DMKN: variants seen among roughly 807,000 people sequenced by gnomAD.
DMKN encodes epidermis-specific secreted protein SK30/SK89.
In DMKN, 58 loss-of-function variants were observed where a neutral mutation model predicts 67.6. The ratio of observed to expected loss-of-function variants is 0.86; its 90% CI spans 0.69 to 1.07. The LOEUF (loss-of-function observed/expected upper bound fraction) is 1.07. Among genes scored for constraint, DMKN ranks in the 50% least tolerant of loss-of-function variants. The pLI is 0.00. For missense variants in DMKN, 596 were observed against 601.5 expected (o/e 0.99, Z 0.10); for synonymous variants, 240 against 232.3 (o/e 1.03, Z -0.30).
At chr19:35,511,266 C>G (rs1311784157) in intron 5 of DMKN, 145 bp downstream of exon 5, 1 of 1,445,942 alleles carries the variant, frequency 6.9e-7, no homozygotes, top group Admixed American at 1.9e-5. Flanking sequence ...GAACAGGAGG[C>G]TGAGGGAGCC....
At chr19:35,501,880 G>C (rs1293123889) in intron 11 of DMKN, 9 of 1,582,828 alleles carry the variant, frequency 5.7e-6, no homozygotes, top group Non-Finnish European at 7.7e-6. Flanking sequence ...GCAGAGCAGA[G>C]GCAGTGGCCG....
At chr19:35,505,917 A>G (rs760489565) in intron 8 of DMKN, 22 bp downstream of exon 8, 2 of 1,614,232 alleles carry the variant, frequency 1.2e-6, no homozygotes, top group Non-Finnish European at 1.7e-6. Context: ...GCGAGTGAAC[A>G]GAGCCATCTC....
In DMKN at chr19:35,511,481, C is replaced by T; in HGVS notation, c.848G>A (p.Gly283Asp). The T allele has an allele frequency of 9.2e-7, 1 of 1,092,572 alleles. No individual in the cohort carries two copies. Among genetic ancestry groups the T allele is most frequent in the Non-Finnish European group, 1.2e-6 (1 of 846,596 alleles). 67.7% of individuals were successfully genotyped at this position (1,092,572 alleles called of 1,614,324 possible). Residue 283 changes from glycine (G) to aspartate (D), a missense_variant, in exon 5 of 16, where the codon GGC (glycine) becomes GAC (aspartate). Coordinates refer to ENST00000339686, the MANE Select transcript of DMKN (RefSeq NM_033317.5). ...GCCACTGCTGCCACCACTGCTGCCG[C>T]CACTGCTGCCGCCACTGCTGCTGCC... ...SSGSSSGGSS[G>D]GSSGGSSGNS...
intron 7 of DMKN, chr19:35,508,174 G>A: frequency 6.4e-7 from 1 of 1,551,904 alleles, no homozygotes; most frequent in South Asian, 1.2e-5. Context: ...TACCGGCACA[G>A]TCTCTGACCC....
At chr19:35,501,956 T>C in intron 11 of DMKN, 180 bp downstream of exon 11, 1 of 1,551,806 alleles carries the variant, frequency 6.4e-7, no homozygotes. Flanking sequence ...AGGGAGGTCC[T>C]CCCACCCTGC....
intron 7 of DMKN, among the ~76,000 whole-genome samples, chr19:35,509,049 T>C (rs57300378): frequency 1.3e-4 from 20 of 150,850 alleles, no homozygotes; most frequent in African/African-American, 4.4e-4. Flanking sequence ...AAACCCCATC[T>C]CTACTAAAAA....
chr19:35,506,174 C>T (rs779452708), intron 7 of DMKN, 188 bp from the exon 8 acceptor site: 29 of 1,528,008 alleles, frequency 1.9e-5, no homozygotes, highest in Non-Finnish European at 2.4e-5. Flanking sequence ...TGCCCCAGCT[C>T]GACCCTTGCC....
chr19:35,512,963 C>T, intron 1 of DMKN, 87 bp downstream of exon 1: 2 of 1,569,876 alleles, frequency 1.3e-6, no homozygotes, highest in Non-Finnish European at 1.7e-6. Flanking sequence ...AGTAAGAGAT[C>T]CATCCATCCT....
chr19:35,504,055 C>G (rs1193828660), intron 9 of DMKN, among the ~76,000 whole-genome samples: 1 of 152,158 alleles, frequency 6.6e-6, no homozygotes, highest in Non-Finnish European at 1.5e-5. Context: ...CCCCTGCCCA[C>G]CTCTGCCCTG....
chr19:35,513,558 C>T lies in DMKN; in HGVS notation c.-83G>A. 1 of 1,487,702 alleles carries T rather than the reference C, an allele frequency of 6.7e-7. No individual in the cohort carries two copies. Among genetic ancestry groups the T allele is most frequent in the South Asian group, 1.4e-5 (1 of 73,908 alleles). The allele number at this position is 1,487,702 out of a possible 1,614,324, so 92.2% of individuals were successfully genotyped here. ...GCCGCCCTTGCTCTGCGTCTCTGTG[C>T]CCTCCTCTGTCCTCCTCCTTCCGAC... On this transcript the variant is annotated 5_prime_UTR_variant, in exon 1 of 16. Coordinates refer to ENST00000339686, the MANE Select transcript of DMKN (RefSeq NM_033317.5).
chr19:35,501,907 CT>C (rs1164182743), intron 11 of DMKN: 7 of 1,574,988 alleles, frequency 4.4e-6, no homozygotes, highest in Non-Finnish European at 6.0e-6. Context: ...TGTTCATGTG[CT>C]TGTGGAGGCC....
chr19:35,501,334 C>A (rs186505491), intron 11 of DMKN, among the ~76,000 whole-genome samples: 19 of 152,318 alleles, frequency 1.2e-4, no homozygotes, highest in Admixed American at 6.5e-4. Flanking sequence ...AACTGGTTGA[C>A]CATGGGCCTC....
At position 35,500,350 on chromosome 19, in the gene DMKN, C is replaced by T. The variant is rs551998532; in HGVS notation, c.1287+183G>A. On this transcript the variant is annotated intron_variant, in intron 12 of 15. Coordinates refer to ENST00000339686, the MANE Select transcript of DMKN (RefSeq NM_033317.5). ...CAAGAAAAGAAGTGCCAGGACGTAA[C>T]CCAGCGGGTCCATGGTAGATGTCTC... 26 of 1,549,930 alleles carry T rather than the reference C, an allele frequency of 1.7e-5. No homozygotes were observed. The South Asian group carries it at 2.6e-4, about 16-fold the overall frequency.
intron 7 of DMKN, chr19:35,506,307 A>C: frequency 1.0e-6 from 1 of 991,130 alleles, no homozygotes; most frequent in East Asian, 2.6e-5. Context: ...CCTCCTCTCT[A>C]TAAAGCTGCC....
chr19:35,513,233 A>G lies in DMKN; in HGVS notation c.243T>C (p.Thr81=). 6.2e-7 allele frequency: 1 copy of G among 1,614,212 alleles called. No homozygotes were observed. The highest frequency in any genetic ancestry group is 8.5e-7 in the Non-Finnish European group (1 of 1,180,020). ...CAAAGCCTGGAACCTGCCTGACTCCAGTGCCAACTGCTTCTCTGGTCCCTT... is the reference window on the plus strand; with the variant it reads ...CAAAGCCTGGAACCTGCCTGACTCCGGTGCCAACTGCTTCTCTGGTCCCTT... The part of the protein sequence containing the change: ...LGQGTREAVG[T]GVRQVPGFGV... Residue 81 remains threonine, a synonymous_variant, in exon 1 of 16, where the codon ACT becomes ACC. Transcript: ENST00000339686.
chr19:35,510,329 G>C lies in DMKN; in HGVS notation c.919-77C>G, dbSNP rs1475101952. The C allele has an allele frequency of 1.9e-6, 3 of 1,553,294 alleles. No individual in the cohort carries two copies. The African/African-American group carries it at 4.1e-5, about 21-fold the overall frequency. ...CCCAGTCGTTCCCAGCGGTGTTACA[G>C]ATTTGTTGGAACCCCAATCAGATTC... On this transcript the variant is annotated intron_variant, in intron 5 of 15. Coordinates refer to ENST00000339686, the MANE Select transcript of DMKN (RefSeq NM_033317.5).
At chr19:35,499,916 G>T in intron 13 of DMKN, 42 bp downstream of exon 13, 1 of 1,606,350 alleles carries the variant, frequency 6.2e-7, no homozygotes, top group Non-Finnish European at 8.5e-7. Flanking sequence ...CATCCCTCAT[G>T]CAGAGCCCCC....
In DMKN at chr19:35,502,147, C is replaced by T; in HGVS notation, c.1228G>A (p.Ala410Thr). 6.2e-7 allele frequency: 1 copy of T among 1,614,180 alleles called. No homozygotes were observed. The highest frequency in any genetic ancestry group is 8.5e-7 in the Non-Finnish European group (1 of 1,180,036). The change falls in exon 11 of 16, where the codon GCA becomes ACA. Residue 410 changes from alanine to threonine, a missense_variant. By Grantham distance (58) the Ala-to-Thr change is moderately conservative. Transcript: ENST00000339686. ...KQNTPFLNWK[A>T]IIEGADASSL... ...CCTGCCCCCCTTACCTCAATAATTGCTTTCCAGTTGAGGAAAGGAGTGTTC... is the reference window on the plus strand; with the variant it reads ...CCTGCCCCCCTTACCTCAATAATTGTTTTCCAGTTGAGGAAAGGAGTGTTC...
chr19:35,508,028 G>T, intron 7 of DMKN: 1 of 774,726 alleles, frequency 1.3e-6, no homozygotes, highest in Non-Finnish European at 2.0e-6. Context: ...CTGGAGTCCT[G>T]CTTTATCTGC....
Sources: allele counts gnomAD v4.1 joint callset (sites outside exome capture counted in the v4.1 genomes callset), GRCh38; gene constraint gnomAD v4.1.1; transcripts MANE v1.5; gene names NCBI Gene and HGNC (gene_info 2026-07-23, HGNC 2026-07-21).